MEGF11: variants seen among roughly 807,000 people sequenced by gnomAD.
MEGF11 encodes the protein multiple epidermal growth factor-like domains protein 11.
In MEGF11, 126 loss-of-function variants were observed where a neutral mutation model predicts 146.6. The observed-to-expected ratio is 0.86, with a 90% CI of 0.74 to 1.00. The LOEUF is 1.00. Ranked by LOEUF, MEGF11 falls within the 50% of genes least tolerant of loss-of-function variation. MEGF11 has a pLI of 0.00. For synonymous variants in MEGF11, 532 were observed against 583.4 expected (o/e 0.91, Z 1.27); for missense variants, 1,509 against 1,521.2 (o/e 0.99, Z 0.13).
intron 1 of MEGF11, among the ~76,000 whole-genome samples, chr15:66,241,469 A>G (rs1004223347): frequency 3.3e-5 from 5 of 152,242 alleles, no homozygotes; most frequent in Admixed American, 2.0e-4. Flanking sequence ...AATGCAAATG[A>G]TATGCAAACA....
Position 66,251,186 on chromosome 15 carries a change from A to C in MEGF11, c.-9+2419T>G, listed in dbSNP as rs2092365185. The stretch of plus-strand genomic sequence containing the variant: ...AAAGGCCCAGTGCTCATTGGCCCTG[A>C]CAGTGCTGTGCTTTGACCAGCCGCT... On this transcript the variant is annotated intron_variant, in intron 1 of 25. Coordinates refer to ENST00000395614, the MANE Select transcript of MEGF11 (RefSeq NM_001385028.1). 2.0e-5 allele frequency among the ~76,000 whole-genome samples: 3 copies of C among 152,286 alleles called. No homozygotes were observed. In the South Asian group the frequency reaches 6.2e-4, roughly 32 times the overall value.
chr15:66,167,336 T>A (rs1484266767), intron 1 of MEGF11, among the ~76,000 whole-genome samples: 1 of 152,190 alleles, frequency 6.6e-6, no homozygotes, highest in Non-Finnish European at 1.5e-5. Flanking sequence ...TTCATTTTTA[T>A]ACAGCTAAAG....
At chr15:65,944,271 C>T (rs2080110959) in intron 10 of MEGF11, among the ~76,000 whole-genome samples, 1 of 152,104 alleles carries the variant, frequency 6.6e-6, no homozygotes, top group African/African-American at 2.4e-5. Flanking sequence ...GTGGGTATGT[C>T]AGTGTCCTGT....
intron 5 of MEGF11, among the ~76,000 whole-genome samples, chr15:66,076,842 G>A (rs971052226): frequency 2.0e-5 from 3 of 152,136 alleles, no homozygotes; most frequent in Non-Finnish European, 2.9e-5. Context: ...AAGGTAGCCC[G>A]CCATATGTTC....
chr15:65,992,784 G>A (rs922427550), intron 5 of MEGF11, among the ~76,000 whole-genome samples: 2 of 152,000 alleles, frequency 1.3e-5, no homozygotes, highest in African/African-American at 4.8e-5. Flanking sequence ...TTCAATTTAA[G>A]CCACAACTGC....
chr15:66,168,008 C>A (rs2090147251), intron 1 of MEGF11, among the ~76,000 whole-genome samples: 1 of 152,158 alleles, frequency 6.6e-6, no homozygotes, highest in Non-Finnish European at 1.5e-5. Context: ...AGGCCAGGCT[C>A]CTCCCAGCAG....
chr15:66,180,497 A>G (rs888276967), intron 1 of MEGF11, among the ~76,000 whole-genome samples: 1 of 152,216 alleles, frequency 6.6e-6, no homozygotes, highest in African/African-American at 2.4e-5. Context: ...CTCGCCTCAC[A>G]GGCGGAAGGA....
At chr15:66,136,201 A>G (rs1407057867) in intron 1 of MEGF11, among the ~76,000 whole-genome samples, 1 of 152,252 alleles carries the variant, frequency 6.6e-6, no homozygotes, top group Non-Finnish European at 1.5e-5. Context: ...TTAAACAGGT[A>G]ATGCAGGTGG....
chr15:65,921,805 A>G (rs749860067), intron 15 of MEGF11: 35 of 154,726 alleles, frequency 2.3e-4, no homozygotes, highest in African/African-American at 4.8e-4. Flanking sequence ...TCTCTTTTCA[A>G]CTCCTGCTGA....
At chr15:66,187,326 G>A (rs1230511180) in intron 1 of MEGF11, among the ~76,000 whole-genome samples, 2 of 152,312 alleles carry the variant, frequency 1.3e-5, no homozygotes, top group Non-Finnish European at 1.5e-5. Context: ...AGGACAGAAA[G>A]AGCAGGCCTT....
At chr15:66,245,153 C>T (rs1209328021) in intron 1 of MEGF11, among the ~76,000 whole-genome samples, 1 of 152,122 alleles carries the variant, frequency 6.6e-6, no homozygotes, top group East Asian at 1.9e-4. Flanking sequence ...GGATTAAACA[C>T]AGGGAAAGAC....
intron 5 of MEGF11, among the ~76,000 whole-genome samples, chr15:66,016,329 GC>G (rs1433633066): frequency 6.6e-6 from 1 of 152,150 alleles, no homozygotes; most frequent in Non-Finnish European, 1.5e-5. Context: ...TTTGTACACT[GC>G]CATCAGAGAG....
At chr15:66,077,311 T>TTCTAC (rs1399238356) in intron 5 of MEGF11, among the ~76,000 whole-genome samples, 4 of 152,242 alleles carry the variant, frequency 2.6e-5, no homozygotes, top group Non-Finnish European at 5.9e-5. Context: ...TGAGCTCTGC[T>TTCTAC]TCTACCATAT....
chr15:66,135,024 A>G (rs1465607566), intron 1 of MEGF11, among the ~76,000 whole-genome samples: 3 of 152,198 alleles, frequency 2.0e-5, no homozygotes, highest in African/African-American at 7.2e-5. Flanking sequence ...AACCCAGTAG[A>G]GTCATTTACC....
chr15:65,974,434 A>G (rs1353227536), intron 7 of MEGF11, among the ~76,000 whole-genome samples: 2 of 152,094 alleles, frequency 1.3e-5, no homozygotes, highest in Admixed American at 6.6e-5. Flanking sequence ...AAGGCAGGTG[A>G]ATCATTTGAG....
chr15:66,095,266 A>C (rs1456866530), intron 4 of MEGF11, among the ~76,000 whole-genome samples: 1 of 152,188 alleles, frequency 6.6e-6, no homozygotes, highest in Admixed American at 6.5e-5. Flanking sequence ...CTTTGACAGA[A>C]TCCACATTTC....
intron 1 of MEGF11, among the ~76,000 whole-genome samples, chr15:66,141,100 A>G (rs887156416): frequency 2.0e-5 from 3 of 152,214 alleles, no homozygotes; most frequent in South Asian, 2.1e-4. Flanking sequence ...CAGTAACTCC[A>G]TCAAGTAGGC....
intron 7 of MEGF11, among the ~76,000 whole-genome samples, chr15:65,973,611 A>G (rs1197830317): frequency 1.3e-5 from 2 of 152,164 alleles, no homozygotes; most frequent in Non-Finnish European, 2.9e-5. Context: ...AGCCTGGGCG[A>G]CACAGCCAAA....
chr15:66,244,104 G>A (rs1024421944), intron 1 of MEGF11, among the ~76,000 whole-genome samples: 2 of 152,220 alleles, frequency 1.3e-5, no homozygotes, highest in Non-Finnish European at 2.9e-5. Context: ...GTAAGACACA[G>A]TCTAGAAAAT....
Sources: gnomAD v4.1 joint callset for allele counts (sites outside exome capture counted in the v4.1 genomes callset) on GRCh38, gnomAD v4.1.1 for gene constraint, MANE v1.5 for transcripts, NCBI Gene and HGNC (gene_info 2026-07-23, HGNC 2026-07-21) for gene names.